Variants in GXYLT2 observed in about 807,000 individuals in gnomAD.
GXYLT2 encodes glycosyltransferase 8 domain containing 4.
A neutral mutation model predicts 45.8 loss-of-function variants in GXYLT2; 53 were observed. That is an observed-to-expected ratio of 1.16 (90% CI 0.93 to 1.46). The LOEUF (loss-of-function observed/expected upper bound fraction) is 1.46. Among genes scored for constraint, GXYLT2 ranks in the 40% most tolerant of loss-of-function variants. The pLI is 0.00. For synonymous variants in GXYLT2, 219 were observed against 214.2 expected (o/e 1.02, Z -0.19); for missense variants, 551 against 544.4 (o/e 1.01, Z -0.12).
chr3:72,939,725 GGCTGGAGT>G (rs1710265180), intron 3 of GXYLT2, among the ~76,000 whole-genome samples: 1 of 149,950 alleles, frequency 6.7e-6, no homozygotes, highest in South Asian at 2.1e-4. Context: ...CTGTCGCCCA[GGCTGGAGT>G]GCAGTGGTGC....
At chr3:72,932,486 A>T (rs1046965870) in intron 3 of GXYLT2, among the ~76,000 whole-genome samples, 1 of 152,164 alleles carries the variant, frequency 6.6e-6, no homozygotes, top group Non-Finnish European at 1.5e-5. Flanking sequence ...AGTCATGCTT[A>T]TTTCTGAACC....
intron 5 of GXYLT2, among the ~76,000 whole-genome samples, chr3:72,965,522 C>T (rs1229778800): frequency 6.6e-6 from 1 of 152,136 alleles, no homozygotes; most frequent in Non-Finnish European, 1.5e-5. Context: ...TCCTCTGCCC[C>T]CAACCCTGAA....
At chr3:72,930,416 T>C (rs1481171051) in intron 3 of GXYLT2, among the ~76,000 whole-genome samples, 1 of 151,030 alleles carries the variant, frequency 6.6e-6, no homozygotes, top group Non-Finnish European at 1.5e-5. Context: ...GCAGGAGAAT[T>C]GCTTGAGCCC....
chr3:72,889,449 A>G (rs924641288), intron 1 of GXYLT2, among the ~76,000 whole-genome samples: 9 of 152,174 alleles, frequency 5.9e-5, no homozygotes, highest in African/African-American at 2.2e-4. Context: ...TGGTGCCTTT[A>G]CTGTAACTAA....
chr3:72,970,132 C>A (rs774300751), intron 6 of GXYLT2, among the ~76,000 whole-genome samples: 1 of 152,052 alleles, frequency 6.6e-6, no homozygotes. Flanking sequence ...AGGCAGATCA[C>A]TTGAGGTTAG....
At chr3:72,945,323 G>A (rs544403698) in intron 3 of GXYLT2, among the ~76,000 whole-genome samples, 2 of 137,538 alleles carry the variant, frequency 1.5e-5, no homozygotes, top group South Asian at 4.9e-4. Flanking sequence ...TAAAATAATA[G>A]TGTTTCTGAG....
At chr3:72,903,956 G>T (rs529856433) in intron 1 of GXYLT2, among the ~76,000 whole-genome samples, 2 of 152,230 alleles carry the variant, frequency 1.3e-5, no homozygotes, top group South Asian at 2.1e-4. Context: ...GATCCAGGTG[G>T]TATCACCAGA....
In GXYLT2 at chr3:72,908,885, G is replaced by A. The variant is rs530455660; in HGVS notation, c.468+326G>A. On this transcript the variant is annotated intron_variant, in intron 2 of 6. Coordinates refer to ENST00000389617, the MANE Select transcript of GXYLT2 (RefSeq NM_001080393.2). ...CCCAAGTAGCTGGGACTACAGGCAT[G>A]CACCACCATGTCTGGCTAATTTTTG... Among the ~76,000 whole-genome samples, 81 of 152,138 alleles carry A rather than the reference G, an allele frequency of 5.3e-4. No individual in the cohort carries two copies. The South Asian group carries it at 0.016, about 29-fold the overall frequency.
In GXYLT2 at chr3:72,929,310, A is replaced by G; in HGVS notation, c.600+6975A>G. 5 of 1,169,864 alleles carry G rather than the reference A, an allele frequency of 4.3e-6. No individual in the cohort carries two copies. In the South Asian group the frequency reaches 6.1e-5, roughly 14 times the overall value. The allele number at this position is 1,169,864 out of a possible 1,614,324, so 72.5% of individuals were successfully genotyped here. A position where few individuals can be genotyped will look rare whatever the true frequency, so the allele number is the denominator to read the frequency against. On this transcript the variant is annotated intron_variant, in intron 3 of 6. Coordinates refer to ENST00000389617, the MANE Select transcript of GXYLT2 (RefSeq NM_001080393.2). ...TTCCTTCAGGATATCAAGAAACCAGACTGTGACGACTGGGAGAGCGGGCTG... is the reference window on the plus strand; with the variant it reads ...TTCCTTCAGGATATCAAGAAACCAGGCTGTGACGACTGGGAGAGCGGGCTG...
chr3:72,898,040 A>C (rs55743230), intron 1 of GXYLT2, among the ~76,000 whole-genome samples: 1,549 of 152,356 alleles, frequency 0.01, 25 homozygotes, highest in African/African-American at 0.035. Flanking sequence ...TCTGGAAGAC[A>C]GTATACCAAA....
Position 72,921,034 on chromosome 3 carries a change from T to G in GXYLT2, c.469-1170T>G, listed in dbSNP as rs905323440. ...CGGGGTTTCGCCATGTTGGCCAGGC[T>G]GGTCTCAAACTCCTGACCTCAAGTG... On this transcript the variant is annotated intron_variant, in intron 2 of 6. Coordinates refer to ENST00000389617, the MANE Select transcript of GXYLT2 (RefSeq NM_001080393.2). Among the ~76,000 whole-genome samples the G allele has an allele frequency of 1.1e-4, 16 of 152,182 alleles. No individual in the cohort carries two copies. The East Asian group carries it at 3.1e-3, about 29-fold the overall frequency.
chr3:72,917,487 TTGTC>T (rs1458779439), intron 2 of GXYLT2, among the ~76,000 whole-genome samples: 1 of 152,172 alleles, frequency 6.6e-6, no homozygotes, highest in East Asian at 1.9e-4. Context: ...GTCAAATACT[TTGTC>T]TGTCACTCCT....
At chr3:72,890,465 T>G (rs1214296171) in intron 1 of GXYLT2, among the ~76,000 whole-genome samples, 1 of 152,242 alleles carries the variant, frequency 6.6e-6, no homozygotes, top group Non-Finnish European at 1.5e-5. Flanking sequence ...AGGAAAGTAT[T>G]GCACAAGGGT....
rs1709389295 is a variant in GXYLT2, at chr3:72,900,827, C to T, written c.276-7540C>T. On this transcript the variant is annotated intron_variant, in intron 1 of 6. Coordinates refer to ENST00000389617, the MANE Select transcript of GXYLT2 (RefSeq NM_001080393.2). ...ATTAATGTATTTATTTATTTAATAACTTTATTGCAGTTTAACTCAAGTACA... is the reference window on the plus strand; with the variant it reads ...ATTAATGTATTTATTTATTTAATAATTTTATTGCAGTTTAACTCAAGTACA... Among the ~76,000 whole-genome samples the T allele has an allele frequency of 3.3e-5, 5 of 151,876 alleles. 1 individual carries two copies. Among genetic ancestry groups the T allele is most frequent in the African/African-American group, 1.2e-4 (5 of 41,494 alleles).
At position 72,945,566 on chromosome 3, in the gene GXYLT2, T is replaced by C. The variant is rs540754716; in HGVS notation, c.601-9532T>C. ...ACGGAAGGAAGGAAGTCGGGTGGTA[T>C]GATGAAGAGAAAATGGAAGGAAGGA... On this transcript the variant is annotated intron_variant, in intron 3 of 6. Coordinates refer to ENST00000389617, the MANE Select transcript of GXYLT2 (RefSeq NM_001080393.2). 1.3e-4 allele frequency among the ~76,000 whole-genome samples: 20 copies of C among 152,220 alleles called. No homozygotes were observed. In the East Asian group the frequency reaches 3.5e-3, roughly 26 times the overall value.
intron 2 of GXYLT2, among the ~76,000 whole-genome samples, chr3:72,910,521 T>A (rs1575783188): frequency 6.6e-6 from 1 of 152,082 alleles, no homozygotes; most frequent in Admixed American, 6.5e-5. Flanking sequence ...TATGGATAGG[T>A]CAGGTCAGGC....
In GXYLT2 at chr3:72,946,276, GAAAAAAAAAA is replaced by G. The variant is rs57450041; in HGVS notation, c.601-8803_601-8794del. ...TGGGTGACAGAGCAAGACCCTGTCT[GAAAAAAAAAA>G]AAAAAAAAAAAAAAAAAAGGATGTC... is the stretch of plus-strand genomic sequence containing the variant. On this transcript the variant is annotated intron_variant, in intron 3 of 6. Transcript: ENST00000389617. 4.4e-3 allele frequency among the ~76,000 whole-genome samples: 262 copies of G among 59,486 alleles called. 2 individuals carry two copies. Among genetic ancestry groups the G allele is most frequent in the Non-Finnish European group, 6.3e-3 (174 of 27,444 alleles). The allele number at this position is 59,486 out of a possible 152,430, so 39.0% of individuals were successfully genotyped here.
chr3:72,931,100 G>A (rs1163110947), intron 3 of GXYLT2, among the ~76,000 whole-genome samples: 2 of 152,176 alleles, frequency 1.3e-5, no homozygotes, highest in African/African-American at 4.8e-5. Context: ...AGCATAAAAG[G>A]ATTGAAGTTA....
chr3:72,909,855 C>T (rs1709586066), intron 2 of GXYLT2, among the ~76,000 whole-genome samples: 1 of 152,086 alleles, frequency 6.6e-6, no homozygotes, highest in South Asian at 2.1e-4. Context: ...AGTGCTGTAT[C>T]CTGTCACCAG....
Sources: gnomAD v4.1 joint callset for allele counts (sites outside exome capture counted in the v4.1 genomes callset) on GRCh38, gnomAD v4.1.1 for gene constraint, MANE v1.5 for transcripts, NCBI Gene and HGNC (gene_info 2026-07-23, HGNC 2026-07-21) for gene names.